Variants in CSDE1 observed in about 807,000 individuals in gnomAD.
CSDE1 encodes cold shock domain-containing protein E1.
Under a neutral mutation model 89.3 loss-of-function variants are expected in CSDE1, and 17 were observed. That is an observed-to-expected ratio of 0.19 (90% CI 0.13 to 0.29). The LOEUF (loss-of-function observed/expected upper bound fraction) is 0.29. Ranked by LOEUF, CSDE1 falls within the 10% of genes least tolerant of loss-of-function variation. The pLI is 1.00. For synonymous variants in CSDE1, 322 were observed against 332.8 expected (o/e 0.97, Z 0.35); for missense variants, 672 against 984.2 (o/e 0.68, Z 4.24).
Position 114,730,555 on chromosome 1 carries a change from C to T in CSDE1, c.1144G>A (p.Gly382Arg). The T allele has an allele frequency of 6.2e-7, 1 of 1,614,090 alleles. No individual in the cohort carries two copies. Among genetic ancestry groups the T allele is most frequent in the Non-Finnish European group, 8.5e-7 (1 of 1,180,014 alleles). The change falls in exon 11 of 20, where the codon GGG becomes AGG. Residue 382 changes from glycine (G) to arginine (R), a missense_variant. Gly to Arg is a moderately radical substitution (Grantham distance 125). This residue lies in a region of CSDE1 where 169 missense variants were observed against 262.9 expected (regional missense o/e 0.64). Transcript: ENST00000358528. ...TCATCTGCAATATGGAGCTGGTTCC[C>T]ATCCAGAATTTCACTGAAGTGGAAG... ...MFFHFSEILD[G>R]NQLHIADEVE...
chr1:114,737,970 T>C lies in CSDE1; in HGVS notation c.302A>G (p.Asn101Ser). 1 of 1,609,154 alleles carries C rather than the reference T, an allele frequency of 6.2e-7. No homozygotes were observed. The highest frequency in any genetic ancestry group is 8.5e-7 in the Non-Finnish European group (1 of 1,175,394). ...KQEILPEERM[N>S]GQVVCAVPHN... ...AGCATCAAAGTCACTAACTTGTCCA[T>C]TCATTCGTTCTTCAGGGAGGATTTC... Residue 101 changes from asparagine to serine, a missense_variant, in exon 4 of 20, where the codon AAT becomes AGT. Around this residue, in one of 8 missense-constraint regions of CSDE1, gnomAD observed 124 missense variants for 138.7 expected, o/e 0.89. Transcript: ENST00000358528.
intron 2 of CSDE1, among the ~76,000 whole-genome samples, chr1:114,747,761 G>A (rs1378393059): frequency 2.0e-5 from 3 of 152,016 alleles, no homozygotes; most frequent in Admixed American, 2.0e-4. Flanking sequence ...AGGAGACTGA[G>A]GCAGAAGAAT....
rs779089610 is a variant in CSDE1, at chr1:114,726,993, A to C, written c.1454T>G (p.Ile485Arg). 1 of 1,604,672 alleles carries C rather than the reference A, an allele frequency of 6.2e-7. No homozygotes were observed. Among genetic ancestry groups the C allele is most frequent in the South Asian group, 1.1e-5 (1 of 90,884 alleles). ...KDVEGSTSPQ[I>R]GDKVEFSISD... ...GCAGAATTATCTTGCCTTATCTCCT[A>C]TTTGAGGAGAAGTAGATCCTTCCAC... Residue 485 changes from isoleucine to arginine, a missense_variant, in exon 13 of 20, where the codon ATA becomes AGA. Ile to Arg is a moderately conservative substitution (Grantham distance 97, BLOSUM62 -3). Coordinates refer to ENST00000358528, the MANE Select transcript of CSDE1 (RefSeq NM_001007553.3).
Position 114,730,348 on chromosome 1 carries a change from G to A in CSDE1, c.1266C>T (p.Ser422=), listed in dbSNP as rs147370534. ...TGCCCAGAAAACGGTGATCTGAATG[G>A]GAATGAAATGAAACCGTGCCCTTGG... ...KLPKGTVSFH[S]HSDHRFLGTV... is the part of the protein sequence containing the mutation. Residue 422 remains serine (S), a synonymous_variant, in exon 12 of 20, where the codon TCC becomes TCT. Coordinates refer to ENST00000358528, the MANE Select transcript of CSDE1 (RefSeq NM_001007553.3). 2 of 1,614,098 alleles carry A rather than the reference G, an allele frequency of 1.2e-6. No homozygotes were observed. Among genetic ancestry groups the A allele is most frequent in the Non-Finnish European group, 1.7e-6 (2 of 1,180,000 alleles).
intron 6 of CSDE1, among the ~76,000 whole-genome samples, chr1:114,736,499 A>G (rs1381222467): frequency 2.6e-5 from 4 of 152,140 alleles, no homozygotes; most frequent in African/African-American, 9.7e-5. Context: ...TCAAAGCACT[A>G]TTTTTTGAAA....
At chr1:114,727,115 A>G (rs1347307928) in intron 12 of CSDE1, 25 bp from the exon 13 acceptor site, 2 of 1,496,634 alleles carry the variant, frequency 1.3e-6, no homozygotes, top group Non-Finnish European at 1.9e-6. Flanking sequence ...TCAAAAACAG[A>G]ATGAAAACAA....
intron 17 of CSDE1, 102 bp downstream of exon 17, chr1:114,720,437 C>T (rs1159736937): frequency 7.0e-6 from 8 of 1,141,372 alleles, no homozygotes; most frequent in Admixed American, 2.7e-5. Flanking sequence ...AATAAAAAAA[C>T]GAATGAATGT....
At chr1:114,754,262 G>C (rs1228819386) in intron 1 of CSDE1, among the ~76,000 whole-genome samples, 1 of 152,152 alleles carries the variant, frequency 6.6e-6, no homozygotes, top group Non-Finnish European at 1.5e-5. Context: ...CAAAGTGCTG[G>C]GATTACAGGC....
At chr1:114,737,024 T>C (rs983376030) in intron 5 of CSDE1, among the ~76,000 whole-genome samples, 169 bp from the exon 6 acceptor site, 1 of 152,286 alleles carries the variant, frequency 6.6e-6, no homozygotes, top group African/African-American at 2.4e-5. Flanking sequence ...TTCCCCTCCA[T>C]GGTGCTGATG....
chr1:114,756,746 T>C (rs1373392947), intron 1 of CSDE1: 1 of 152,170 alleles, frequency 6.6e-6, no homozygotes, highest in African/African-American at 2.4e-5. Flanking sequence ...CTTTTACTCA[T>C]TTAAGGTGCA....
chr1:114,720,311 G>T, intron 17 of CSDE1: 1 of 441,250 alleles, frequency 2.3e-6, no homozygotes, highest in Non-Finnish European at 4.0e-6. Context: ...TTTCCCCATT[G>T]CATAATATTA....
intron 2 of CSDE1, among the ~76,000 whole-genome samples, chr1:114,744,166 C>G (rs1660885844): frequency 6.6e-6 from 1 of 152,064 alleles, no homozygotes. Context: ...AGGAAGGACC[C>G]AGTAGGTAAA....
chr1:114,754,711 A>C (rs1661497074), intron 1 of CSDE1, among the ~76,000 whole-genome samples: 1 of 152,246 alleles, frequency 6.6e-6, no homozygotes, highest in Non-Finnish European at 1.5e-5. Context: ...ACTCTAGATA[A>C]TTAACCAACC....
Position 114,723,347 on chromosome 1 carries a change from G to C in CSDE1, c.1873+536C>G, listed in dbSNP as rs143977740. On this transcript the variant is annotated intron_variant, in intron 16 of 19. Transcript: ENST00000358528. ...GGGAACAGCGGCACTGGAACTCTGG[G>C]AATTCTTGAAGATAGATGGGGAAAA... Among the ~76,000 whole-genome samples the C allele has an allele frequency of 4.2e-3, 636 of 152,284 alleles. 5 individuals are homozygous for C. The highest frequency in any genetic ancestry group is 0.031 in the Middle Eastern group (9 of 294).
chr1:114,729,801 T>G (rs1289681637), intron 12 of CSDE1, among the ~76,000 whole-genome samples: 1 of 152,176 alleles, frequency 6.6e-6, no homozygotes, highest in African/African-American at 2.4e-5. Flanking sequence ...TATTTCCTAT[T>G]TAGTGGATTT....
At chr1:114,741,892 A>G (rs1660745345) in intron 2 of CSDE1, among the ~76,000 whole-genome samples, 1 of 152,198 alleles carries the variant, frequency 6.6e-6, no homozygotes, top group Non-Finnish European at 1.5e-5. Flanking sequence ...AATGCCACAA[A>G]GACTCTTGAT....
chr1:114,727,106 CAA>C lies in CSDE1; in HGVS notation c.1357-18_1357-17del, dbSNP rs1412298299. The stretch of plus-strand genomic sequence containing the variant: ...CCTCAGCCTCCTAAAGAGATACAGT[CAA>C]AAACAGAATGAAAACAATCTCAAGA... On this transcript the variant is annotated splice_polypyrimidine_tract_variant and intron_variant, in intron 12 of 19. Coordinates refer to ENST00000358528, the MANE Select transcript of CSDE1 (RefSeq NM_001007553.3). 6 of 1,543,424 alleles carry C rather than the reference CAA, an allele frequency of 3.9e-6. No homozygotes were observed. Among genetic ancestry groups the C allele is most frequent in the Non-Finnish European group, 5.4e-6 (6 of 1,118,290 alleles).
chr1:114,746,503 G>C (rs1283143404), intron 2 of CSDE1: 2 of 151,974 alleles, frequency 1.3e-5, no homozygotes, highest in Non-Finnish European at 2.9e-5. Flanking sequence ...TAAATTATCA[G>C]ACTCTTTGTA....
intron 12 of CSDE1, among the ~76,000 whole-genome samples, chr1:114,727,448 T>C (rs941448006): frequency 7.2e-5 from 11 of 152,196 alleles, no homozygotes; most frequent in African/African-American, 2.4e-4. Flanking sequence ...CAAGAAGCTT[T>C]AGTATTTCCT....
Sources: allele counts gnomAD v4.1 joint callset (sites outside exome capture counted in the v4.1 genomes callset), GRCh38; gene constraint gnomAD v4.1.1; regional missense constraint gnomAD v4.1.1; transcripts MANE v1.5; gene names NCBI Gene and HGNC (gene_info 2026-07-23, HGNC 2026-07-21).